The following PRR5L variants were observed in gnomAD, a reference collection of about 807,000 sequenced individuals.
PRR5L encodes proline-rich protein 5-like.
PRR5L carries 21 observed loss-of-function variants against 36.4 expected under a neutral mutation model. That is an observed-to-expected ratio of 0.58 (90% CI 0.41 to 0.83). PRR5L has a LOEUF of 0.83. Ranked by LOEUF, PRR5L falls within the 40% of genes least tolerant of loss-of-function variation. The probability of loss-of-function intolerance (pLI) is 0.00; values close to 1 mark genes in which losing one functional copy is unlikely to be tolerated. For missense variants in PRR5L, 381 were observed against 473.3 expected (o/e 0.80, Z 1.81); for synonymous variants, 188 against 197.0 (o/e 0.95, Z 0.38).
chr11:36,387,242 G>A (rs1590517361), intron 1 of PRR5L, among the ~76,000 whole-genome samples: 2 of 152,082 alleles, frequency 1.3e-5, no homozygotes, highest in African/African-American at 2.4e-5. Context: ...CACAGGGTGG[G>A]GAACACCACA....
intron 1 of PRR5L, among the ~76,000 whole-genome samples, chr11:36,349,468 G>A (rs11033565): frequency 0.11 from 16,361 of 152,122 alleles, 894 homozygotes; most frequent in Non-Finnish European, 0.12. Context: ...CAGGAGGCCC[G>A]AGTAGGACCC....
chr11:36,349,110 C>T lies in PRR5L; in HGVS notation c.-125-51887C>T, dbSNP rs528414061. Among the ~76,000 whole-genome samples, 9 of 151,846 alleles carry T rather than the reference C, an allele frequency of 5.9e-5. No homozygotes were observed. In the South Asian group the frequency reaches 1.9e-3, roughly 32 times the overall value. On this transcript the variant is annotated intron_variant, in intron 1 of 8. Coordinates refer to ENST00000530639, the MANE Select transcript of PRR5L (RefSeq NM_001160167.2). ...GACCAGTGTGGCCAACGTGGTGAAA[C>T]CTGATCTCTACTAAAAATACAAAAA...
intron 7 of PRR5L, among the ~76,000 whole-genome samples, chr11:36,447,974 G>A (rs1293067313): frequency 2.0e-5 from 3 of 152,068 alleles, no homozygotes; most frequent in African/African-American, 7.2e-5. Context: ...CGGAAAGTTG[G>A]GCTCCCATCT....
chr11:36,465,010 C>T lies in PRR5L; in HGVS notation c.*2274C>T, dbSNP rs1859267388. The T allele has an allele frequency of 1.3e-5, 2 of 152,122 alleles. No individual in the cohort carries two copies. Among genetic ancestry groups the T allele is most frequent in the African/African-American group, 4.8e-5 (2 of 41,414 alleles). 9.4% of individuals were successfully genotyped at this position (152,122 alleles called of 1,614,324 possible). ...TATGGTCATGTTAGCTATCAGAGAG[C>T]TATTGGAGTGAGAGCTGAGGTGTCC... On this transcript the variant is annotated 3_prime_UTR_variant, in exon 9 of 9. Transcript: ENST00000530639.
chr11:36,410,667 C>T (rs1293175029), intron 3 of PRR5L, among the ~76,000 whole-genome samples: 1 of 152,204 alleles, frequency 6.6e-6, no homozygotes, highest in Non-Finnish European at 1.5e-5. Context: ...CCCACTGCCA[C>T]CCACTAGGAT....
chr11:36,350,126 G>A (rs1856911441), intron 1 of PRR5L: 1 of 142,944 alleles, frequency 7.0e-6, no homozygotes, highest in Admixed American at 7.0e-5. Flanking sequence ...GATGCAGGAA[G>A]AGAGTGAGTG....
intron 1 of PRR5L, among the ~76,000 whole-genome samples, chr11:36,302,436 TA>T (rs1445882216): frequency 2.0e-5 from 3 of 152,072 alleles, no homozygotes; most frequent in African/African-American, 7.2e-5. Context: ...TATAGAGTCT[TA>T]TAAGTTTGGA....
intron 1 of PRR5L, among the ~76,000 whole-genome samples, chr11:36,298,041 G>A (rs1856331843): frequency 6.6e-6 from 1 of 152,228 alleles, no homozygotes; most frequent in Non-Finnish European, 1.5e-5. Context: ...ATACTTCAGA[G>A]AGCACCATTA....
chr11:36,415,595 T>C (rs992555335), intron 3 of PRR5L, among the ~76,000 whole-genome samples: 3 of 152,092 alleles, frequency 2.0e-5, no homozygotes, highest in African/African-American at 7.2e-5. Flanking sequence ...AATAGAAAAA[T>C]TAGCCAGGAG....
At chr11:36,393,694 T>G (rs1209357817) in intron 1 of PRR5L, among the ~76,000 whole-genome samples, 1 of 152,210 alleles carries the variant, frequency 6.6e-6, no homozygotes, top group Non-Finnish European at 1.5e-5. Flanking sequence ...TTTAGGATGT[T>G]TTTTCTATTT....
intron 4 of PRR5L, among the ~76,000 whole-genome samples, chr11:36,431,014 A>C (rs1208307126): frequency 1.3e-5 from 2 of 152,176 alleles, no homozygotes; most frequent in Non-Finnish European, 2.9e-5. Flanking sequence ...ATATGACATG[A>C]GTGTAAAGAC....
At chr11:36,421,723 G>A (rs1478516085) in intron 4 of PRR5L, among the ~76,000 whole-genome samples, 3 of 152,112 alleles carry the variant, frequency 2.0e-5, no homozygotes, top group Non-Finnish European at 4.4e-5. Flanking sequence ...TAGGCGATGC[G>A]TGCAATGACA....
intron 1 of PRR5L, among the ~76,000 whole-genome samples, chr11:36,348,108 T>C (rs1248935427): frequency 6.6e-6 from 1 of 152,160 alleles, no homozygotes; most frequent in African/African-American, 2.4e-5. Flanking sequence ...GTTCTTATTA[T>C]TGTGGTCGTT....
chr11:36,422,669 T>C (rs1296957226), intron 4 of PRR5L, among the ~76,000 whole-genome samples: 2 of 152,150 alleles, frequency 1.3e-5, no homozygotes, highest in Non-Finnish European at 2.9e-5. Flanking sequence ...TGACCCCAGG[T>C]GAGGCCAAGA....
intron 1 of PRR5L, among the ~76,000 whole-genome samples, chr11:36,346,586 G>GA (rs756982821): frequency 1.0e-3 from 140 of 140,128 alleles, no homozygotes; most frequent in African/African-American, 2.7e-3. Context: ...CCATCTCAAA[G>GA]AAAAAAAAAA....
At chr11:36,314,557 C>T (rs904798991) in intron 1 of PRR5L, among the ~76,000 whole-genome samples, 11 of 152,200 alleles carry the variant, frequency 7.2e-5, no homozygotes, top group African/African-American at 2.4e-4. Context: ...TTAAGGGTTC[C>T]CCTTGATGCC....
chr11:36,359,719 A>G (rs148333429), intron 1 of PRR5L, among the ~76,000 whole-genome samples: 57 of 152,330 alleles, frequency 3.7e-4, no homozygotes, highest in African/African-American at 1.2e-3. Context: ...AGACTGGTCT[A>G]TAACAGAAAC....
chr11:36,344,823 G>T lies in PRR5L; in HGVS notation c.-126+48385G>T, dbSNP rs964380356. On this transcript the variant is annotated intron_variant, in intron 1 of 8. Transcript: ENST00000530639. The surrounding 1 kb of genome is among the most constrained non-coding windows in gnomAD (Gnocchi z 4.1). ...TTAATTAGTGCTACTTTTCTGACCA[G>T]TAAGGAAGGGGCAGCACAAATACCC... Among the ~76,000 whole-genome samples, 6 of 152,184 alleles carry T rather than the reference G, an allele frequency of 3.9e-5. No homozygotes were observed. The highest frequency in any genetic ancestry group is 1.4e-4 in the African/African-American group (6 of 41,436).
At chr11:36,434,290 C>T (rs1858561782) in intron 5 of PRR5L, among the ~76,000 whole-genome samples, 1 of 152,228 alleles carries the variant, frequency 6.6e-6, no homozygotes, top group Non-Finnish European at 1.5e-5. Context: ...ACTCTGCCAT[C>T]TTCAACCAGG....
Sources: gnomAD v4.1 joint callset for allele counts (sites outside exome capture counted in the v4.1 genomes callset) on GRCh38, gnomAD v4.1.1 for gene constraint, Gnocchi (gnomAD v3.1) non-coding constraint, MANE v1.5 for transcripts, NCBI Gene and HGNC (gene_info 2026-07-23, HGNC 2026-07-21) for gene names.